LARS1: variants seen among roughly 807,000 people sequenced by gnomAD.
The protein encoded by LARS1 is leucine--tRNA ligase, cytoplasmic.
Under a neutral mutation model 162.8 loss-of-function variants are expected in LARS1, and 100 were observed. The observed-to-expected ratio is 0.61, with a 90% CI of 0.52 to 0.73. The LOEUF (loss-of-function observed/expected upper bound fraction) is 0.73, where lower values mean the gene tolerates loss of function less well. Among genes scored for constraint, LARS1 ranks in the 30% least tolerant of loss-of-function variants. LARS1 has a pLI of 0.00. For synonymous variants in LARS1, 457 were observed against 462.8 expected (o/e 0.99, Z 0.16); for missense variants, 1,258 against 1,408.9 (o/e 0.89, Z 1.71).
intron 31 of LARS1, among the ~76,000 whole-genome samples, chr5:146,118,145 G>C (rs900015061): frequency 2.6e-5 from 4 of 152,260 alleles, no homozygotes; most frequent in Admixed American, 2.6e-4. Context: ...TGAATGAAAA[G>C]AGAAAATGTG....
In LARS1 at chr5:146,157,972, C is replaced by T. The variant is rs2962507; in HGVS notation, c.772-177G>A. 0.97 allele frequency among the ~76,000 whole-genome samples: 146,982 copies of T among 152,262 alleles called. 71,168 individuals are homozygous for T. The highest frequency in any genetic ancestry group is 1 in the East Asian group (5,184 of 5,184). On this transcript the variant is annotated intron_variant, in intron 8 of 31. Coordinates refer to ENST00000394434, the MANE Select transcript of LARS1 (RefSeq NM_020117.11). ...ACTATACCCACACAGAAGTCTAGTA[C>T]GTTAGGAGAGATTTGGAGTAATCGC...
chr5:146,172,844 T>C, intron 2 of LARS1, 70 bp from the exon 3 acceptor site: 1 of 699,786 alleles, frequency 1.4e-6, no homozygotes. Flanking sequence ...AATAAGGAAG[T>C]GGGGTGAAGG....
At position 146,154,031 on chromosome 5, in the gene LARS1, T is replaced by C. The variant is rs375566362; in HGVS notation, c.1066-51A>G. 5.2e-5 allele frequency: 66 copies of C among 1,274,080 alleles called. No homozygotes were observed. In the African/African-American group the frequency reaches 8.4e-4, roughly 16 times the overall value. 78.9% of individuals were successfully genotyped at this position (1,274,080 alleles called of 1,614,324 possible). A position where few individuals can be genotyped will look rare whatever the true frequency, so the allele number is the denominator to read the frequency against. On this transcript the variant is annotated intron_variant, in intron 10 of 31. Coordinates refer to ENST00000394434, the MANE Select transcript of LARS1 (RefSeq NM_020117.11). ...AAGGTGAAGTAATTCATTGTGACCA[T>C]TAGAATTAAAACTATGTTAATATTT...
chr5:146,152,038 G>T, intron 13 of LARS1, 36 bp from the exon 14 acceptor site: 2 of 1,611,028 alleles, frequency 1.2e-6, no homozygotes, highest in South Asian at 2.2e-5. Flanking sequence ...TGTTCACACT[G>T]ACTGGACACA....
Position 146,121,620 on chromosome 5 carries a change from T to C in LARS1, c.3192+872A>G, listed in dbSNP as rs529667407. ...GACTGGATAAAGAAAATGTGGCACA[T>C]ATACAGCATGGAATACTATGCAGCC... On this transcript the variant is annotated intron_variant, in intron 30 of 31. Coordinates refer to ENST00000394434, the MANE Select transcript of LARS1 (RefSeq NM_020117.11). 2.4e-4 allele frequency among the ~76,000 whole-genome samples: 36 copies of C among 152,272 alleles called. No individual in the cohort carries two copies. In the South Asian group the frequency reaches 7.5e-3, roughly 32 times the overall value.
chr5:146,120,564 C>G (rs1218476110), intron 30 of LARS1, 61 bp from the exon 31 acceptor site: 1 of 1,527,134 alleles, frequency 6.5e-7, no homozygotes, highest in Non-Finnish European at 8.9e-7. Flanking sequence ...GGAGGAATCT[C>G]TGCTACGTTT....
Position 146,131,095 on chromosome 5 carries a change from C to A in LARS1, c.2411G>T (p.Gly804Val), listed in dbSNP as rs760104325. ...DRVFASELNA[G>V]IIKTDQNYEK... ...ATAGTTTTGATCTGTTTTTATAATT[C>A]CTGCATTCAATTCACTATTGAATAC... Residue 804 changes from glycine (G) to valine (V), a missense_variant, in exon 24 of 32, where the codon GGA becomes GTA. Coordinates refer to ENST00000394434, the MANE Select transcript of LARS1 (RefSeq NM_020117.11). 3.2e-6 allele frequency: 5 copies of A among 1,562,980 alleles called. No individual in the cohort carries two copies. Among genetic ancestry groups the A allele is most frequent in the South Asian group, 1.1e-5 (1 of 86,960 alleles).
At position 146,114,212 on chromosome 5, in the gene LARS1, G is replaced by T; in HGVS notation, c.3425C>A (p.Ser1142Tyr). The change falls in exon 32 of 32, where the codon TCT becomes TAT. Residue 1142 changes from serine (S) to tyrosine (Y), a missense_variant. By Grantham distance (144) the Ser-to-Tyr change is moderately radical. Transcript: ENST00000394434. ...GKEYTEKTPI[S>Y]EHAVFNVDLM... Reference sequence around the variant, plus strand: ...GTCCACATTGAAAACAGCATGCTCAGAAATGGGGGTCTTCTCGGTGTACTC... The same window carrying T: ...GTCCACATTGAAAACAGCATGCTCATAAATGGGGGTCTTCTCGGTGTACTC... 6.2e-7 allele frequency: 1 copy of T among 1,613,736 alleles called. No homozygotes were observed.
chr5:146,138,910 G>T, intron 21 of LARS1: 1 of 310,536 alleles, frequency 3.2e-6, no homozygotes. Flanking sequence ...TCAGGCCCAC[G>T]GGAACAGTAG....
At chr5:146,156,590 G>A (rs1026954766) in intron 10 of LARS1, among the ~76,000 whole-genome samples, 1 of 152,024 alleles carries the variant, frequency 6.6e-6, no homozygotes, top group Admixed American at 6.6e-5. Context: ...AGCTACTCAG[G>A]AGGCTGAGGC....
intron 8 of LARS1, 148 bp downstream of exon 8, chr5:146,159,259 G>C (rs976457784): frequency 1.2e-5 from 7 of 578,284 alleles, no homozygotes; most frequent in African/African-American, 9.5e-5. Context: ...TACCTGTATT[G>C]ATATTCTATC....
chr5:146,130,734 T>C (rs1752241072), intron 24 of LARS1: 2 of 263,458 alleles, frequency 7.6e-6, no homozygotes, highest in Non-Finnish European at 7.0e-6. Flanking sequence ...AATTTTGAAA[T>C]GTTTTCCTGG....
At chr5:146,170,971 C>T (rs901785079) in intron 4 of LARS1, among the ~76,000 whole-genome samples, 3 of 151,876 alleles carry the variant, frequency 2.0e-5, no homozygotes, top group South Asian at 2.1e-4. Context: ...ATATGGCAAA[C>T]GTTAAGACTT....
At chr5:146,129,636 T>G (rs897793930) in intron 25 of LARS1, among the ~76,000 whole-genome samples, 1 of 152,194 alleles carries the variant, frequency 6.6e-6, no homozygotes, top group African/African-American at 2.4e-5. Context: ...ATATTCATAG[T>G]AAGAATGCTA....
At chr5:146,138,728 C>CAAAAAAAAAAA (rs879232853) in intron 21 of LARS1, 1 of 114,896 alleles carries the variant, frequency 8.7e-6, no homozygotes, top group South Asian at 2.3e-4. Flanking sequence ...GACTCTGTCT[C>CAAAAAAAAAAA]AAAAAAAAAA....
chr5:146,182,288 C>T (rs763683549), intron 1 of LARS1, 200 bp downstream of exon 1: 3 of 677,566 alleles, frequency 4.4e-6, no homozygotes, highest in Non-Finnish European at 7.9e-6. Context: ...ATATGATATC[C>T]AAGTACTCCG....
In LARS1 at chr5:146,164,310, C is replaced by T. The variant is rs778565842; in HGVS notation, c.594G>A (p.Lys198=). 1 of 1,613,536 alleles carries T rather than the reference C, an allele frequency of 6.2e-7. No homozygotes were observed. The highest frequency in any genetic ancestry group is 8.5e-7 in the Non-Finnish European group (1 of 1,179,550). ...CCTCATATTTCCTTTATAGACATAC[C>T]TTCAAACCCATTCTTTTTAAATCCT... is the stretch of plus-strand genomic sequence containing the variant. The part of the protein sequence containing the change: ...AIQDLKRMGL[K]VDWRRSFITT... Residue 198 remains lysine, a splice_region_variant and synonymous_variant, in exon 6 of 32, where the codon AAG becomes AAA. Coordinates refer to ENST00000394434, the MANE Select transcript of LARS1 (RefSeq NM_020117.11).
chr5:146,118,297 T>G (rs543988323), intron 31 of LARS1, among the ~76,000 whole-genome samples: 2 of 152,308 alleles, frequency 1.3e-5, no homozygotes, highest in South Asian at 4.1e-4. Context: ...CACTCACATG[T>G]GGAATCTAAA....
chr5:146,145,305 G>C lies in LARS1; in HGVS notation c.1504-596C>G, dbSNP rs564428637. 2.0e-5 allele frequency among the ~76,000 whole-genome samples: 3 copies of C among 151,788 alleles called. No individual in the cohort carries two copies. In the East Asian group the frequency reaches 5.8e-4, roughly 29 times the overall value. Reference sequence around the variant, plus strand: ...TCACTATGTTGCCCAGGCTGGTCTCGAACCCCTGGGCTCAAGTATTCCACC... The same window carrying C: ...TCACTATGTTGCCCAGGCTGGTCTCCAACCCCTGGGCTCAAGTATTCCACC... On this transcript the variant is annotated intron_variant, in intron 15 of 31. Transcript: ENST00000394434.
Sources: allele counts gnomAD v4.1 joint callset (sites outside exome capture counted in the v4.1 genomes callset), GRCh38; gene constraint gnomAD v4.1.1; transcripts MANE v1.5; gene names NCBI Gene and HGNC (gene_info 2026-07-23, HGNC 2026-07-21).